DPP6: variants seen among roughly 807,000 people sequenced by gnomAD.
DPP6 encodes the protein dipeptidyl peptidase like 6.
A neutral mutation model predicts 122.6 loss-of-function variants in DPP6; 69 were observed. The ratio of observed to expected loss-of-function variants is 0.56; its 90% confidence interval spans 0.46 to 0.69. DPP6 has a LOEUF of 0.69. Ranked by LOEUF, DPP6 falls within the 30% of genes least tolerant of loss-of-function variation. The probability of loss-of-function intolerance (pLI) is 0.00; values close to 1 mark genes in which losing one functional copy is unlikely to be tolerated. For synonymous variants in DPP6, 418 were observed against 433.1 expected, an observed-to-expected ratio of 0.97 and a Z score of 0.43; for missense variants, 928 against 1,116.9, an observed-to-expected ratio of 0.83 and a Z score of 2.41.
At position 154,466,965 on chromosome 7, in the gene DPP6, C is replaced by T. The variant is rs1448932967; in HGVS notation, c.359-7974C>T. On this transcript the variant is annotated intron_variant, in intron 2 of 25. Transcript: ENST00000377770. ...TTTTGAGTAGGCCTCAGGGCATACT[C>T]CACCCAAAGCACAATTCATCTGTAC... 2.0e-5 allele frequency among the ~76,000 whole-genome samples: 3 copies of T among 152,274 alleles called. No homozygotes were observed. The East Asian group carries it at 5.8e-4, about 29-fold the overall frequency.
At chr7:153,892,078 G>A (rs78632728) in intron 1 of DPP6, among the ~76,000 whole-genome samples, 4,746 of 152,268 alleles carry the variant, frequency 0.031, 224 homozygotes, top group African/African-American at 0.11. Context: ...GGCATGACGA[G>A]CCTAGGATCT....
At chr7:154,766,358 C>A (rs2131535619) in intron 8 of DPP6, among the ~76,000 whole-genome samples, 1 of 152,302 alleles carries the variant, frequency 6.6e-6, no homozygotes, top group Admixed American at 6.5e-5. Flanking sequence ...CACTCTGTCA[C>A]CCAGGCTGGA....
At chr7:154,798,829 A>C (rs983238739) in intron 12 of DPP6, among the ~76,000 whole-genome samples, 1 of 152,230 alleles carries the variant, frequency 6.6e-6, no homozygotes, top group Non-Finnish European at 1.5e-5. Flanking sequence ...TTCAAAAACA[A>C]TCTGTAGTGT....
intron 11 of DPP6, among the ~76,000 whole-genome samples, 173 bp downstream of exon 11, chr7:154,794,375 C>T (rs1797882800): frequency 2.0e-5 from 3 of 152,202 alleles, no homozygotes; most frequent in Admixed American, 1.3e-4. Flanking sequence ...GCTGCCACCT[C>T]GTGGCTGGTG....
At chr7:154,565,887 C>T (rs532297220) in intron 4 of DPP6, among the ~76,000 whole-genome samples, 5 of 152,314 alleles carry the variant, frequency 3.3e-5, no homozygotes, top group African/African-American at 1.2e-4. Context: ...CCTGAGCATG[C>T]ATAGAGTGAT....
intron 4 of DPP6, among the ~76,000 whole-genome samples, chr7:154,555,444 C>T (rs1018961323): frequency 6.6e-6 from 1 of 151,716 alleles, no homozygotes; most frequent in East Asian, 1.9e-4. Context: ...GGAAGGGGAA[C>T]ATCACACACC....
At chr7:154,642,505 G>A (rs954217898) in intron 6 of DPP6, among the ~76,000 whole-genome samples, 7 of 151,994 alleles carry the variant, frequency 4.6e-5, no homozygotes, top group East Asian at 1.9e-4. Context: ...CAGGAGAATC[G>A]TTTGAACCCA....
Position 154,769,529 on chromosome 7 carries a change from C to T in DPP6, c.996C>T (p.Thr332=), listed in dbSNP as rs371237236. The T allele has an allele frequency of 5.3e-5, 86 of 1,613,018 alleles. No individual in the cohort carries two copies. The highest frequency in any genetic ancestry group is 6.7e-5 in the East Asian group (3 of 44,870). Reference sequence around the variant, plus strand: ...CCATCATGGAGCTCCCAACTTACACCGGCTCCATCTACCCCACCGTGAAGC... The same window carrying T: ...CCATCATGGAGCTCCCAACTTACACTGGCTCCATCTACCCCACCGTGAAGC... ...RVPIMELPTY[T]GSIYPTVKPY... Residue 332 remains threonine, a synonymous_variant, in exon 9 of 26, where the codon ACC becomes ACT. Transcript: ENST00000377770.
At chr7:153,920,257 T>C (rs964391767) in intron 1 of DPP6, among the ~76,000 whole-genome samples, 1 of 152,216 alleles carries the variant, frequency 6.6e-6, no homozygotes, top group Non-Finnish European at 1.5e-5. Flanking sequence ...TTTTTGTTTT[T>C]ATAACTTCCC....
At chr7:154,159,579 T>G (rs1796869417) in intron 1 of DPP6, among the ~76,000 whole-genome samples, 1 of 152,180 alleles carries the variant, frequency 6.6e-6, no homozygotes, top group South Asian at 2.1e-4. Flanking sequence ...AAAGAATTAC[T>G]CTCTCCTCTC....
intron 1 of DPP6, among the ~76,000 whole-genome samples, chr7:154,346,537 T>C (rs12112905): frequency 0.25 from 37,941 of 152,038 alleles, 9,633 homozygotes; most frequent in African/African-American, 0.66. Context: ...GAACTCCTGA[T>C]CTCAGGTAAT....
chr7:153,786,423 A>G, the DPP6 span, among the ~76,000 whole-genome samples: 2 of 151,670 alleles, frequency 1.3e-5, no homozygotes, highest in South Asian at 4.2e-4. Flanking sequence ...CATCCCTAGT[A>G]ATTAAAATAA....
In DPP6 at chr7:154,391,828, A is replaced by T. The variant is rs368960491; in HGVS notation, c.244-54386A>T. On this transcript the variant is annotated intron_variant, in intron 1 of 25. Transcript: ENST00000377770. ...AATGTTTAGGATTCCCCTCTAGCAC[A>T]AGGTTGCTTTAGGTCTCGGAGATCA... Among the ~76,000 whole-genome samples, 4 of 152,126 alleles carry T rather than the reference A, an allele frequency of 2.6e-5. No individual in the cohort carries two copies. In the South Asian group the frequency reaches 8.3e-4, roughly 32 times the overall value.
chr7:153,947,817 GC>G (rs1802018539), intron 1 of DPP6, among the ~76,000 whole-genome samples: 1 of 152,188 alleles, frequency 6.6e-6, no homozygotes, highest in Admixed American at 6.5e-5. Context: ...TTTGGAGGGT[GC>G]CGCTCACAGG....
intron 1 of DPP6, among the ~76,000 whole-genome samples, chr7:154,350,919 A>G (rs1810798533): frequency 6.6e-6 from 1 of 152,132 alleles, no homozygotes; most frequent in Non-Finnish European, 1.5e-5. Flanking sequence ...AATCATAAGG[A>G]TGTAGAAATT....
At chr7:154,214,071 G>C (rs1244810527) in intron 1 of DPP6, among the ~76,000 whole-genome samples, 1 of 152,180 alleles carries the variant, frequency 6.6e-6, no homozygotes, top group Non-Finnish European at 1.5e-5. Context: ...AGGACAGCTG[G>C]CTGGAAACTT....
At chr7:154,696,135 A>G (rs1175297870) in intron 7 of DPP6, among the ~76,000 whole-genome samples, 1 of 152,224 alleles carries the variant, frequency 6.6e-6, no homozygotes, top group South Asian at 2.1e-4. Context: ...GCCCCGCCTC[A>G]TCAGCCGGAG....
At chr7:154,362,986 C>T (rs1811861617) in intron 1 of DPP6, among the ~76,000 whole-genome samples, 1 of 152,180 alleles carries the variant, frequency 6.6e-6, no homozygotes, top group African/African-American at 2.4e-5. Flanking sequence ...TGGATTCCCA[C>T]ATGAAAGGCT....
intron 1 of DPP6, among the ~76,000 whole-genome samples, chr7:153,968,215 T>C (rs1261358930): frequency 6.7e-6 from 1 of 150,084 alleles, no homozygotes; most frequent in East Asian, 1.9e-4. Context: ...TTTGTTGTTA[T>C]TTGACTTTTT....
Sources: gnomAD v4.1 joint callset for allele counts (sites outside exome capture counted in the v4.1 genomes callset) on GRCh38, gnomAD v4.1.1 for gene constraint, MANE v1.5 for transcripts, NCBI Gene and HGNC (gene_info 2026-07-23, HGNC 2026-07-21) for gene names.